The following PRKACA variants were observed in gnomAD, a reference collection of about 807,000 sequenced individuals.
PRKACA encodes cAMP-dependent protein kinase catalytic subunit alpha.
In PRKACA, 9 loss-of-function variants were observed where a neutral mutation model predicts 45.8. The ratio of observed to expected loss-of-function variants is 0.20; its 90% CI spans 0.12 to 0.34. The LOEUF (loss-of-function observed/expected upper bound fraction) is 0.34. Ranked by LOEUF, PRKACA falls within the 10% of genes least tolerant of loss-of-function variation. The pLI is 1.00. For synonymous variants in PRKACA, 160 were observed against 178.6 expected, an observed-to-expected ratio of 0.90 and a Z score of 0.83; for missense variants, 238 against 458.6, an observed-to-expected ratio of 0.52 and a Z score of 4.39.
chr19:14,104,788 G>T (rs1485934204), intron 3 of PRKACA, among the ~76,000 whole-genome samples: 3 of 151,824 alleles, frequency 2.0e-5, no homozygotes, highest in Non-Finnish European at 2.9e-5. Context: ...CACAAGAATC[G>T]CTTGAAACCC....
intron 2 of PRKACA, 95 bp downstream of exon 2, chr19:14,107,253 G>A: frequency 7.5e-7 from 1 of 1,327,270 alleles, no homozygotes; most frequent in East Asian, 2.3e-5. Context: ...GCCTTCTATG[G>A]GGTTTCTGAA....
At chr19:14,106,050 G>A (rs906970266) in intron 3 of PRKACA, among the ~76,000 whole-genome samples, 2 of 152,018 alleles carry the variant, frequency 1.3e-5, no homozygotes, top group African/African-American at 2.4e-5. Context: ...CATTATGGGG[G>A]CTCGGGGAAT....
Position 14,097,279 on chromosome 19 carries a change from G to A in PRKACA, c.765+82C>T, listed in dbSNP as rs1396217707. The A allele has an allele frequency of 6.3e-7, 1 of 1,597,042 alleles. No homozygotes were observed. On this transcript the variant is annotated intron_variant, in intron 8 of 9. Transcript: ENST00000308677. The surrounding 1 kb of genome is among the most constrained non-coding windows in gnomAD (Gnocchi z 5.4). ...AACTTCTAGATTATTCTGACAACAA[G>A]CAGGGCTCCCCAGGGAATAGGATGG...
intron 4 of PRKACA, among the ~76,000 whole-genome samples, chr19:14,102,484 G>A (rs1311209999): frequency 3.9e-5 from 6 of 152,300 alleles, no homozygotes; most frequent in Non-Finnish European, 1.5e-5. Flanking sequence ...AAGAAGTACT[G>A]AACTGGGAAA....
rs1250975180 is a variant in PRKACA, at chr19:14,093,580, C to G, written c.930+48G>C. ...TCTCTATTGGCTGTCCTCCCTGACT[C>G]TTGGCCTGCTCCCAAACCCTCAGCA... On this transcript the variant is annotated intron_variant, in intron 9 of 9. Transcript: ENST00000308677. 1.9e-6 allele frequency: 3 copies of G among 1,583,584 alleles called. No individual in the cohort carries two copies. The South Asian group carries it at 3.5e-5, about 18-fold the overall frequency.
At chr19:14,098,763 G>C (rs1977345554) in intron 5 of PRKACA, among the ~76,000 whole-genome samples, 1 of 149,726 alleles carries the variant, frequency 6.7e-6, no homozygotes, top group South Asian at 2.1e-4. Flanking sequence ...CAAAGTGCTG[G>C]GATTACAGGC....
chr19:14,113,446 T>C (rs1967028178), intron 1 of PRKACA, among the ~76,000 whole-genome samples: 1 of 152,138 alleles, frequency 6.6e-6, no homozygotes, highest in Non-Finnish European at 1.5e-5. Context: ...CCATTTGGGT[T>C]CATAGGGAAA....
intron 4 of PRKACA, among the ~76,000 whole-genome samples, chr19:14,102,416 T>C (rs1977471718): frequency 6.6e-6 from 1 of 152,036 alleles, no homozygotes; most frequent in African/African-American, 2.4e-5. Flanking sequence ...TGATCCCCAT[T>C]TTACCATGAG....
At chr19:14,110,890 T>G (rs1302015509) in intron 1 of PRKACA, among the ~76,000 whole-genome samples, 1 of 152,206 alleles carries the variant, frequency 6.6e-6, no homozygotes, top group Non-Finnish European at 1.5e-5. Context: ...CTGAGTCCAG[T>G]GCACCAGGGT....
chr19:14,112,976 G>A (rs1466994950), intron 1 of PRKACA, among the ~76,000 whole-genome samples: 1 of 152,182 alleles, frequency 6.6e-6, no homozygotes, highest in Non-Finnish European at 1.5e-5. Context: ...GGCGGGGGGC[G>A]ACAAGAGCCA....
rs1042974533 is a variant in PRKACA, at chr19:14,097,406, G to A, written c.720C>T (p.Phe240=). The change falls in exon 8 of 10, where the codon TTC becomes TTT. Residue 240 remains phenylalanine (F), a synonymous_variant. Transcript: ENST00000308677. The surrounding 1 kb of genome is among the most constrained non-coding windows in gnomAD (Gnocchi z 5.4). ...CATAGATCTGGATGGGCTGGTCTGC[G>A]AAGAAGGGCGGGTAGCCAGCGGCCA... ...YEMAAGYPPF[F]ADQPIQIYEK... The A allele has an allele frequency of 4.3e-6, 7 of 1,614,100 alleles. No homozygotes were observed. The highest frequency in any genetic ancestry group is 3.3e-5 in the South Asian group (3 of 91,082).
chr19:14,100,651 G>A (rs1977416032), intron 5 of PRKACA, among the ~76,000 whole-genome samples, 175 bp downstream of exon 5: 2 of 152,146 alleles, frequency 1.3e-5, no homozygotes, highest in African/African-American at 2.4e-5. Context: ...TTGTTTTGTG[G>A]TGGTTGAAAT....
chr19:14,095,506 G>C (rs990888826), intron 8 of PRKACA, among the ~76,000 whole-genome samples: 1 of 150,972 alleles, frequency 6.6e-6, no homozygotes, highest in Non-Finnish European at 1.5e-5. Context: ...CTTTTGGTCC[G>C]GTGGCAGATG....
At chr19:14,099,439 A>G (rs1977376018) in intron 5 of PRKACA, among the ~76,000 whole-genome samples, 1 of 150,406 alleles carries the variant, frequency 6.6e-6, no homozygotes. Flanking sequence ...CGGCTTATGC[A>G]GTCTTTTTTT....
chr19:14,105,397 G>A (rs574492075), intron 3 of PRKACA, among the ~76,000 whole-genome samples: 44 of 151,914 alleles, frequency 2.9e-4, no homozygotes, highest in Non-Finnish European at 5.9e-4. Flanking sequence ...CATAATCCCA[G>A]CTACTTGGGA....
chr19:14,096,513 C>A (rs1977264144), intron 8 of PRKACA: 1 of 152,650 alleles, frequency 6.6e-6, no homozygotes, highest in Non-Finnish European at 1.5e-5. Context: ...AGAGCTGGGA[C>A]TGGGGCCCAG....
intron 4 of PRKACA, chr19:14,101,207 AT>A (rs2144453545): frequency 3.0e-6 from 1 of 334,368 alleles, no homozygotes; most frequent in African/African-American, 2.1e-5. Flanking sequence ...CATCTGTAAA[AT>A]GGGATCATGA....
In PRKACA at chr19:14,098,126, C is replaced by T. The variant is rs758620239; in HGVS notation, c.420-236G>A. 4.6e-4 allele frequency: 225 copies of T among 487,014 alleles called. 1 individual carries two copies. Among genetic ancestry groups the T allele is most frequent in the Non-Finnish European group, 7.6e-4 (204 of 269,490 alleles). The allele number at this position is 487,014 out of a possible 1,614,324, so 30.2% of individuals were successfully genotyped here. On this transcript the variant is annotated intron_variant, in intron 5 of 9. Coordinates refer to ENST00000308677, the MANE Select transcript of PRKACA (RefSeq NM_002730.4). ...ATGGAATTCCACTCACCACCACCACCGCCAACAGGACAGCCCATGCATCCA... is the reference window on the plus strand; with the variant it reads ...ATGGAATTCCACTCACCACCACCACTGCCAACAGGACAGCCCATGCATCCA...
chr19:14,113,908 C>T (rs752259773), intron 1 of PRKACA, among the ~76,000 whole-genome samples: 1 of 152,176 alleles, frequency 6.6e-6, no homozygotes, highest in Non-Finnish European at 1.5e-5. Context: ...CTGAGCTGGC[C>T]CCCTGCCGGG....
Sources: gnomAD v4.1 joint callset for allele counts (sites outside exome capture counted in the v4.1 genomes callset) on GRCh38, gnomAD v4.1.1 for gene constraint, Gnocchi (gnomAD v3.1) non-coding constraint, MANE v1.5 for transcripts, NCBI Gene and HGNC (gene_info 2026-07-23, HGNC 2026-07-21) for gene names.